EPB41: variants seen among roughly 807,000 people sequenced by gnomAD.
EPB41 encodes the protein erythrocyte membrane protein band 4.1.
EPB41 carries 65 observed loss-of-function variants against 108.0 expected under a neutral mutation model. The ratio of observed to expected loss-of-function variants is 0.60; its 90% confidence interval spans 0.49 to 0.74. The LOEUF (loss-of-function observed/expected upper bound fraction) is 0.74. Among genes scored for constraint, EPB41 ranks in the 30% least tolerant of loss-of-function variants. The pLI is 0.00. For synonymous variants in EPB41, 336 were observed against 358.9 expected (o/e 0.94, Z 0.72); for missense variants, 875 against 1,037.0 (o/e 0.84, Z 2.15).
upstream of EPB41, chr1:28,887,159 G>A (rs2089504605): frequency 8.9e-7 from 1 of 1,122,256 alleles, no homozygotes; most frequent in African/African-American, 1.6e-5. This position sits in a 1 kb window ranked among gnomAD's most constrained non-coding sequence, Gnocchi z 4.9. Flanking sequence ...AAGGGCGAGA[G>A]CGGCGCGGAG....
At chr1:28,954,055 G>T (rs1484417792) in intron 1 of EPB41, among the ~76,000 whole-genome samples, 1 of 152,174 alleles carries the variant, frequency 6.6e-6, no homozygotes, top group Non-Finnish European at 1.5e-5. Flanking sequence ...GCCAGTCAGA[G>T]GCCTCTGCAT....
At chr1:28,959,273 A>C (rs1156912319) in intron 1 of EPB41, among the ~76,000 whole-genome samples, 1 of 145,464 alleles carries the variant, frequency 6.9e-6, no homozygotes. Flanking sequence ...CTGGAGTGCA[A>C]TGGTGCAATA....
chr1:29,060,538 C>G, intron 15 of EPB41, 54 bp downstream of exon 15: 1 of 1,458,950 alleles, frequency 6.9e-7, no homozygotes, highest in Non-Finnish European at 9.6e-7. Context: ...CTTCTGCATT[C>G]TTTGCTGATC....
chr1:29,068,592 A>G lies in EPB41; in HGVS notation c.2184+3434A>G, dbSNP rs187472745. On this transcript the variant is annotated intron_variant, in intron 16 of 20. Transcript: ENST00000343067. Reference sequence around the variant, plus strand: ...TTATGGTGACCTTTAATATTGGGTAATTCTACTTTCTGGCATATCTTACTT... The same window carrying G: ...TTATGGTGACCTTTAATATTGGGTAGTTCTACTTTCTGGCATATCTTACTT... The G allele has an allele frequency of 3.2e-3, 1,453 of 458,152 alleles. 3 individuals carry two copies. Among genetic ancestry groups the G allele is most frequent in the Middle Eastern group, 6.3e-3 (11 of 1,748 alleles). The allele number at this position is 458,152 out of a possible 1,614,324, so 28.4% of individuals were successfully genotyped here. A position where few individuals can be genotyped will look rare whatever the true frequency, so the allele number is the denominator to read the frequency against.
chr1:29,051,337 G>C (rs1358607783), intron 11 of EPB41, among the ~76,000 whole-genome samples: 1 of 151,226 alleles, frequency 6.6e-6, no homozygotes, highest in Non-Finnish European at 1.5e-5. Context: ...GACCTCAGGT[G>C]ATCTGCCCAC....
At position 29,084,686 on chromosome 1, in the gene EPB41, A is replaced by G. The variant is rs112832153; in HGVS notation, c.2185-13121A>G. The stretch of plus-strand genomic sequence containing the variant: ...TAAAATAGTTGTAAATTGTGTGACT[A>G]ATCAGAAATATTCTATTTTCTTTCT... On this transcript the variant is annotated intron_variant, in intron 16 of 20. Transcript: ENST00000343067. Among the ~76,000 whole-genome samples, 275 of 152,344 alleles carry G rather than the reference A, an allele frequency of 1.8e-3. 1 individual carries two copies. The highest frequency in any genetic ancestry group is 0.014 in the Middle Eastern group (4 of 294).
chr1:28,957,242 A>G (rs183574259), intron 1 of EPB41, among the ~76,000 whole-genome samples: 1 of 152,370 alleles, frequency 6.6e-6, no homozygotes, highest in Admixed American at 6.5e-5. Flanking sequence ...GAAGTAAGAG[A>G]ACATTAGAAG....
intron 11 of EPB41, among the ~76,000 whole-genome samples, chr1:29,051,014 T>G (rs548551202): frequency 9.2e-5 from 14 of 151,610 alleles, no homozygotes; most frequent in African/African-American, 3.1e-4. Context: ...TTTTCCTATA[T>G]ATCCGCTAAG....
At chr1:29,088,869 G>A (rs1319160435) in intron 16 of EPB41, among the ~76,000 whole-genome samples, 1 of 152,152 alleles carries the variant, frequency 6.6e-6, no homozygotes, top group East Asian at 1.9e-4. Context: ...TAGCTAATCG[G>A]GAGCCTCAGA....
chr1:29,111,421 C>T (rs963480781), intron 18 of EPB41, among the ~76,000 whole-genome samples: 2 of 151,894 alleles, frequency 1.3e-5, no homozygotes, highest in Non-Finnish European at 2.9e-5. Flanking sequence ...CTTTGGGAGG[C>T]CGGGGCGGGC....
intron 16 of EPB41, chr1:29,068,931 C>T (rs544194100): frequency 9.7e-6 from 7 of 720,200 alleles, no homozygotes; most frequent in African/African-American, 5.5e-5. Flanking sequence ...CACAGCCTTT[C>T]GGCCTAACAC....
intron 17 of EPB41, among the ~76,000 whole-genome samples, chr1:29,106,471 T>A (rs1217991064): frequency 1.3e-5 from 2 of 151,766 alleles, no homozygotes; most frequent in South Asian, 2.1e-4. Flanking sequence ...TTATTTATTT[T>A]TTTGAGATGG....
At chr1:29,023,721 G>C (rs954714831) in intron 7 of EPB41, among the ~76,000 whole-genome samples, 15 of 151,658 alleles carry the variant, frequency 9.9e-5, no homozygotes, top group African/African-American at 3.6e-4. Context: ...AGCTCTTTAG[G>C]GTCCTCAATA....
intron 1 of EPB41, among the ~76,000 whole-genome samples, chr1:28,979,298 AC>A (rs1223556897): frequency 2.6e-5 from 4 of 151,630 alleles, no homozygotes; most frequent in Non-Finnish European, 5.9e-5. Flanking sequence ...ACATATACTT[AC>A]AAAATTTGTA....
intron 16 of EPB41, chr1:29,068,733 G>A: frequency 8.1e-7 from 1 of 1,232,076 alleles, no homozygotes; most frequent in Non-Finnish European, 1.0e-6. Context: ...GTATGACCAG[G>A]TGAAGAAAAC....
At chr1:28,921,938 TTATATATATA>T (rs66808636) in intron 1 of EPB41, among the ~76,000 whole-genome samples, 2 of 102,632 alleles carry the variant, frequency 1.9e-5, no homozygotes, top group African/African-American at 4.5e-5. Flanking sequence ...TTATGAAATT[TTATATATATA>T]TATATATATA....
intron 14 of EPB41, among the ~76,000 whole-genome samples, chr1:29,060,169 A>G (rs1573350655): frequency 2.0e-5 from 3 of 152,354 alleles, no homozygotes; most frequent in Middle Eastern, 3.4e-3. Context: ...TAAGAAGCCA[A>G]TGAAGCCAGG....
At chr1:28,971,180 C>CTTTTTTTTTTT (rs1000130058) in intron 1 of EPB41, among the ~76,000 whole-genome samples, 7 of 66,328 alleles carry the variant, frequency 1.1e-4, no homozygotes, top group Admixed American at 2.5e-4. Context: ...TTCTTTCTTT[C>CTTTTTTTTTTT]TTTTTTTTTT....
At chr1:29,116,233 C>T (rs1313923234) in intron 20 of EPB41, among the ~76,000 whole-genome samples, 6 of 146,668 alleles carry the variant, frequency 4.1e-5, no homozygotes, top group Non-Finnish European at 8.9e-5. Context: ...CTCACTGCAA[C>T]CTCCGCCTCC....
Sources: gnomAD v4.1 joint callset for allele counts (sites outside exome capture counted in the v4.1 genomes callset) on GRCh38, gnomAD v4.1.1 for gene constraint, Gnocchi (gnomAD v3.1) non-coding constraint, MANE v1.5 for transcripts, NCBI Gene and HGNC (gene_info 2026-07-23, HGNC 2026-07-21) for gene names.